Variants in ARMC9 observed in about 807,000 individuals in gnomAD.
ARMC9 encodes lisH domain-containing protein ARMC9.
A neutral mutation model predicts 107.0 loss-of-function variants in ARMC9; 94 were observed. That is an observed-to-expected ratio of 0.88 (90% CI 0.74 to 1.04). The LOEUF (loss-of-function observed/expected upper bound fraction) is 1.04, where lower values mean the gene tolerates loss of function less well. Ranked by LOEUF, ARMC9 falls within the 50% of genes least tolerant of loss-of-function variation. The pLI, the probability that ARMC9 is intolerant of heterozygous loss-of-function variation, is 0.00. For missense variants in ARMC9, 942 were observed against 1,030.1 expected (o/e 0.91, Z 1.17); for synonymous variants, 380 against 396.9 (o/e 0.96, Z 0.51).
intron 19 of ARMC9, among the ~76,000 whole-genome samples, chr2:231,323,069 A>G (rs755728557): frequency 3.9e-5 from 6 of 152,108 alleles, no homozygotes; most frequent in Non-Finnish European, 5.9e-5. Flanking sequence ...CATGCCTGTA[A>G]TCCCAGCACT....
intron 16 of ARMC9, 100 bp from the exon 17 acceptor site, chr2:231,281,959 T>C: frequency 4.4e-6 from 5 of 1,145,490 alleles, no homozygotes; most frequent in Admixed American, 1.7e-5. Context: ...GAACACCCAC[T>C]CTCCCCATTT....
rs2039281998 is a variant in ARMC9, at chr2:231,271,020, G to A, written c.1158G>A (p.Val386=). 5 of 1,614,164 alleles carry A rather than the reference G, an allele frequency of 3.1e-6. No individual in the cohort carries two copies. The highest frequency in any genetic ancestry group is 4.2e-6 in the Non-Finnish European group (5 of 1,180,042). ...AGTTGCTGCACTCCACGAGCGACGT[G>A]GTGCGGCAGTACATGGCCAGGCTCA... ...VLQLLHSTSD[V]VRQYMARLIN... is the part of the protein sequence containing the mutation. Residue 386 remains valine (V), a synonymous_variant, in exon 13 of 25, where the codon GTG becomes GTA. Transcript: ENST00000611582.
rs755109589 is a variant in ARMC9 at position 231,208,112 on chromosome 2, A to G, written c.52-15A>G. On this transcript the variant is annotated splice_polypyrimidine_tract_variant and intron_variant, in intron 2 of 24. Coordinates refer to ENST00000611582, the MANE Select transcript of ARMC9 (RefSeq NM_001352754.2). ...GTTTGTTTTGCTGTTGAATTGAATTATTTATTTTTTATAGTATTTAGATTT... is the reference window on the plus strand; with the variant it reads ...GTTTGTTTTGCTGTTGAATTGAATTGTTTATTTTTTATAGTATTTAGATTT... 6 of 1,137,626 alleles carry G rather than the reference A, an allele frequency of 5.3e-6. No homozygotes were observed. The South Asian group carries it at 8.3e-5, about 16-fold the overall frequency. 70.5% of individuals were successfully genotyped at this position (1,137,626 alleles called of 1,614,324 possible). A position where few individuals can be genotyped will look rare whatever the true frequency, so the allele number is the denominator to read the frequency against.
intron 8 of ARMC9, among the ~76,000 whole-genome samples, chr2:231,239,031 T>C (rs921136474): frequency 6.6e-6 from 1 of 152,106 alleles, no homozygotes; most frequent in Non-Finnish European, 1.5e-5. Context: ...CATATGGAAG[T>C]TCCCCCAGGT....
At chr2:231,204,706 G>T (rs1439990781) in intron 1 of ARMC9, among the ~76,000 whole-genome samples, 1 of 151,956 alleles carries the variant, frequency 6.6e-6, no homozygotes, top group African/African-American at 2.4e-5. Flanking sequence ...GGGTGGTCAG[G>T]GCAAGACTCT....
rs1395697460 is a variant in ARMC9 at position 231,235,325 on chromosome 2, A to G, written c.724A>G (p.Ile242Val). The stretch of plus-strand genomic sequence containing the variant: ...GATCCAGGCCGACTACCACAATCTC[A>G]TTGGAGTCACAGCAGAGCTGGTGGA... ...NKIQADYHNL[I>V]GVTAELVDSL... The change falls in exon 8 of 25, where the codon ATT becomes GTT. Residue 242 changes from isoleucine to valine, a missense_variant. Ile to Val is a conservative substitution (Grantham distance 29). Transcript: ENST00000611582. 6.2e-7 allele frequency: 1 copy of G among 1,606,146 alleles called. No homozygotes were observed.
chr2:231,302,136 C>T (rs1290925101), intron 19 of ARMC9, among the ~76,000 whole-genome samples: 1 of 151,842 alleles, frequency 6.6e-6, no homozygotes, highest in African/African-American at 2.4e-5. Flanking sequence ...ATATGTTATG[C>T]ATAGGAAAGA....
chr2:231,324,123 C>CTTTTTTT (rs71296842), intron 19 of ARMC9, among the ~76,000 whole-genome samples: 96 of 89,240 alleles, frequency 1.1e-3, no homozygotes, highest in African/African-American at 1.2e-3. Flanking sequence ...TTGTAAAGTA[C>CTTTTTTT]TTTTTTTTTT....
intron 12 of ARMC9, chr2:231,270,720 C>T (rs542370474): frequency 3.3e-6 from 2 of 607,726 alleles, no homozygotes; most frequent in Admixed American, 2.1e-5. Context: ...AACAGGACTG[C>T]TTCCCTCGCG....
rs2046070002 is a variant in ARMC9, at chr2:231,372,702, GTGT to G, written c.*1168_*1170del. ...ATAAAACCCATCAGTATTTAGTGGT[GTGT>G]GTGTGTGTGTGTGTGTGTGTGTGTG... On this transcript the variant is annotated 3_prime_UTR_variant, in exon 25 of 25. Transcript: ENST00000611582. 1 of 8,274 alleles carries G rather than the reference GTGT, an allele frequency of 1.2e-4. No homozygotes were observed. Among genetic ancestry groups the G allele is most frequent in the Admixed American group, 1.9e-3 (1 of 514 alleles). The allele number at this position is 8,274 out of a possible 1,614,324, so 0.5% of individuals were successfully genotyped here.
Position 231,297,603 on chromosome 2 carries a change from T to C in ARMC9, c.1773+1350T>C, listed in dbSNP as rs770822906. Among the ~76,000 whole-genome samples the C allele has an allele frequency of 3.3e-5, 5 of 152,212 alleles. No homozygotes were observed. The highest frequency in any genetic ancestry group is 5.9e-5 in the Non-Finnish European group (4 of 68,042). On this transcript the variant is annotated intron_variant, in intron 19 of 24. Coordinates refer to ENST00000611582, the MANE Select transcript of ARMC9 (RefSeq NM_001352754.2). This position sits in a 1 kb window ranked among gnomAD's most constrained non-coding sequence, Gnocchi z 4.2. ...TAAAAATTTGAATTTCATACAATTT[T>C]TGCATGTCATTAAATATTCTTTCAA...
chr2:231,254,403 A>G (rs915178920), intron 9 of ARMC9, among the ~76,000 whole-genome samples: 2 of 152,224 alleles, frequency 1.3e-5, no homozygotes, highest in East Asian at 3.8e-4. Flanking sequence ...GATAGGCTCC[A>G]GTACTGATAA....
At chr2:231,246,447 C>G (rs533514228) in intron 9 of ARMC9, among the ~76,000 whole-genome samples, 1 of 152,084 alleles carries the variant, frequency 6.6e-6, no homozygotes, top group African/African-American at 2.4e-5. Flanking sequence ...GAAGTAAGAG[C>G]GTGTGGTGTT....
At chr2:231,352,924 G>A (rs903268617) in intron 21 of ARMC9, among the ~76,000 whole-genome samples, 3 of 129,274 alleles carry the variant, frequency 2.3e-5, no homozygotes, top group Admixed American at 1.4e-4. Flanking sequence ...AAATTTGGCC[G>A]GGCGCCATGG....
At chr2:231,293,533 A>G (rs2053921) in intron 18 of ARMC9, among the ~76,000 whole-genome samples, 77,008 of 152,068 alleles carry the variant, frequency 0.51, 23,290 homozygotes, top group African/African-American at 0.85. Context: ...TCTGGCCCAA[A>G]AAACATCTTT....
chr2:231,276,224 G>A (rs1466926191), intron 14 of ARMC9, among the ~76,000 whole-genome samples: 1 of 151,428 alleles, frequency 6.6e-6, no homozygotes, highest in South Asian at 2.1e-4. Flanking sequence ...CAGAGTCTAT[G>A]TCTTCTGTAA....
intron 9 of ARMC9, among the ~76,000 whole-genome samples, chr2:231,254,757 CAG>C (rs1394881783): frequency 3.3e-5 from 5 of 152,218 alleles, no homozygotes; most frequent in Non-Finnish European, 7.4e-5. Flanking sequence ...TTCATGCACA[CAG>C]GGGAGAATCA....
chr2:231,365,655 A>AGGAACCAGCCGCACACACAGCAGATG (rs756133584), intron 23 of ARMC9, among the ~76,000 whole-genome samples: 3 of 152,152 alleles, frequency 2.0e-5, no homozygotes, highest in Admixed American at 1.3e-4. Context: ...AAAGGCAGAT[A>AGGAACCAGCCGCACACACAGCAGATG]GGAACCAGCC....
chr2:231,251,253 G>A (rs1308006399), intron 9 of ARMC9, among the ~76,000 whole-genome samples: 2 of 151,852 alleles, frequency 1.3e-5, no homozygotes, highest in African/African-American at 4.8e-5. Context: ...TGCAACCTCC[G>A]CCTCCCGGAT....
Sources: gnomAD v4.1 joint callset for allele counts (sites outside exome capture counted in the v4.1 genomes callset) on GRCh38, gnomAD v4.1.1 for gene constraint, Gnocchi (gnomAD v3.1) non-coding constraint, MANE v1.5 for transcripts, NCBI Gene and HGNC (gene_info 2026-07-23, HGNC 2026-07-21) for gene names.